The following GRM7 variants were observed in gnomAD, a reference collection of about 807,000 sequenced individuals.
The protein encoded by GRM7 is glutamate metabotropic receptor 7, also known as metabotropic glutamate receptor 7.
GRM7 carries 35 observed loss-of-function variants against 84.5 expected under a neutral mutation model. That is an observed-to-expected ratio of 0.41 (90% confidence interval 0.32 to 0.55). The LOEUF is 0.55. GRM7 is among the 20% of genes least tolerant of loss of function. GRM7 has a pLI of 0.19. For missense variants in GRM7, 1,003 were observed against 1,194.6 expected, an observed-to-expected ratio of 0.84 and a Z score of 2.36; for synonymous variants, 487 against 455.1, an observed-to-expected ratio of 1.07 and a Z score of -0.89.
At chr3:6,974,738 C>T (rs1207287822) in intron 1 of GRM7, among the ~76,000 whole-genome samples, 1 of 152,064 alleles carries the variant, frequency 6.6e-6, no homozygotes, top group Non-Finnish European at 1.5e-5. Context: ...ATTTTGTGAA[C>T]ATAACAAGGG....
intron 1 of GRM7, among the ~76,000 whole-genome samples, chr3:6,934,709 C>T (rs546228112): frequency 6.1e-4 from 92 of 151,928 alleles, no homozygotes; most frequent in Non-Finnish European, 1.0e-3. Context: ...TAAATGAGGA[C>T]GGTGGCAGGG....
At chr3:7,272,162 G>T (rs986814225) in intron 2 of GRM7, among the ~76,000 whole-genome samples, 1 of 151,710 alleles carries the variant, frequency 6.6e-6, no homozygotes. Context: ...CTCTCCCTCC[G>T]TAACCCCACC....
chr3:7,258,985 G>T (rs1698309699), intron 2 of GRM7, among the ~76,000 whole-genome samples: 1 of 152,226 alleles, frequency 6.6e-6, no homozygotes, highest in Admixed American at 6.5e-5. Flanking sequence ...GAAAATCAAG[G>T]TGTGCATTCT....
At chr3:7,582,277 A>C (rs1169299403) in intron 8 of GRM7, among the ~76,000 whole-genome samples, 66 of 152,336 alleles carry the variant, frequency 4.3e-4, no homozygotes, top group Non-Finnish European at 7.4e-5. Context: ...TAGGGAACAT[A>C]CAGGCTACCC....
At chr3:7,717,943 G>A (rs1439581593) in intron 9 of GRM7, among the ~76,000 whole-genome samples, 1 of 152,214 alleles carries the variant, frequency 6.6e-6, no homozygotes, top group Non-Finnish European at 1.5e-5. Context: ...AATCTGCTCA[G>A]TTCCTTCACC....
rs1694846005 is a variant in GRM7 at position 6,863,786 on chromosome 3, A to G, written c.519+1879A>G. 6.6e-6 allele frequency among the ~76,000 whole-genome samples: 1 copy of G among 152,176 alleles called. No individual in the cohort carries two copies. The highest frequency in any genetic ancestry group is 2.1e-4 in the South Asian group (1 of 4,834). ...TGTTAGCCTGTGGGGTTAAAGGCACAAAACGTTTTGTGTTTAGTATTTTAA... is the reference window on the plus strand; with the variant it reads ...TGTTAGCCTGTGGGGTTAAAGGCACGAAACGTTTTGTGTTTAGTATTTTAA... On this transcript the variant is annotated intron_variant, in intron 1 of 9. Transcript: ENST00000357716. This position sits in a 1 kb window ranked among gnomAD's most constrained non-coding sequence, Gnocchi z 4.8.
chr3:7,017,162 A>G (rs1470438180), intron 1 of GRM7, among the ~76,000 whole-genome samples: 1 of 152,278 alleles, frequency 6.6e-6, no homozygotes, highest in South Asian at 2.1e-4. Context: ...TTTAATAACC[A>G]TGTGAAAGCT....
chr3:6,974,443 T>C lies in GRM7; in HGVS notation c.519+112536T>C, dbSNP rs889175593. Among the ~76,000 whole-genome samples, 6 of 152,166 alleles carry C rather than the reference T, an allele frequency of 3.9e-5. 1 individual carries two copies. The highest frequency in any genetic ancestry group is 3.9e-4 in the Admixed American group (6 of 15,280). On this transcript the variant is annotated intron_variant, in intron 1 of 9. Coordinates refer to ENST00000357716, the MANE Select transcript of GRM7 (RefSeq NM_000844.4). Reference sequence around the variant, plus strand: ...GAGAATGCTTTTGTTGAGATGTTGTTGAGATTATCAAGGGAGTGAGTCTGG... The same window carrying C: ...GAGAATGCTTTTGTTGAGATGTTGTCGAGATTATCAAGGGAGTGAGTCTGG...
At chr3:7,475,403 A>G (rs1698881270) in intron 7 of GRM7, among the ~76,000 whole-genome samples, 1 of 152,188 alleles carries the variant, frequency 6.6e-6, no homozygotes, top group African/African-American at 2.4e-5. Context: ...TTCAATAAGA[A>G]GCTATCATTG....
chr3:7,521,297 C>T (rs964864740), intron 7 of GRM7, among the ~76,000 whole-genome samples: 2 of 152,144 alleles, frequency 1.3e-5, no homozygotes, highest in Non-Finnish European at 2.9e-5. Context: ...TTGGTCATTG[C>T]TATGGTCTAA....
intron 1 of GRM7, among the ~76,000 whole-genome samples, chr3:7,115,021 A>G (rs1418621661): frequency 6.6e-6 from 1 of 152,124 alleles, no homozygotes; most frequent in African/African-American, 2.4e-5. Flanking sequence ...CTGTGTGCCA[A>G]TCACTGAATG....
chr3:7,503,036 C>T (rs1343747077), intron 7 of GRM7, among the ~76,000 whole-genome samples: 1 of 152,082 alleles, frequency 6.6e-6, no homozygotes. Flanking sequence ...GTAATTTGCT[C>T]TATGGGATAT....
chr3:7,044,141 T>C (rs1338373538), intron 1 of GRM7, among the ~76,000 whole-genome samples: 1 of 152,200 alleles, frequency 6.6e-6, no homozygotes, highest in African/African-American at 2.4e-5. Flanking sequence ...CTGATAAAAA[T>C]ATTGATCAGA....
At chr3:7,604,188 T>C (rs1696453041) in intron 8 of GRM7, among the ~76,000 whole-genome samples, 6 of 151,628 alleles carry the variant, frequency 4.0e-5, no homozygotes, top group Admixed American at 3.9e-4. Context: ...ATTAGTATTA[T>C]GCTTATTACA....
At chr3:6,925,927 A>G (rs1376714041) in intron 1 of GRM7, among the ~76,000 whole-genome samples, 2 of 152,114 alleles carry the variant, frequency 1.3e-5, no homozygotes, top group Non-Finnish European at 2.9e-5. Flanking sequence ...ATGTGAGAGT[A>G]TGTCTAGGCT....
intron 5 of GRM7, among the ~76,000 whole-genome samples, chr3:7,445,502 G>A (rs1445737266): frequency 6.6e-6 from 1 of 152,110 alleles, no homozygotes; most frequent in Non-Finnish European, 1.5e-5. Context: ...GTGGTGCTGT[G>A]ACCCCCTGTG....
rs147160001 is a variant in GRM7 at position 6,946,341 on chromosome 3, G to C, written c.519+84434G>C. On this transcript the variant is annotated intron_variant, in intron 1 of 9. Transcript: ENST00000357716. ...AATCCTTTCCCCATTTCTTGTTTTT[G>C]TCAGGTTTGTCAAAGATCAGATAGT... Among the ~76,000 whole-genome samples, 405 of 152,150 alleles carry C rather than the reference G, an allele frequency of 2.7e-3. 4 individuals are homozygous for C. Among genetic ancestry groups the C allele is most frequent in the African/African-American group, 9.4e-3 (392 of 41,508 alleles).
At chr3:7,154,189 G>A (rs971742501) in intron 2 of GRM7, among the ~76,000 whole-genome samples, 3 of 152,094 alleles carry the variant, frequency 2.0e-5, no homozygotes, top group Non-Finnish European at 4.4e-5. Context: ...CAAGAACATC[G>A]GGTTCTGGCC....
intron 8 of GRM7, among the ~76,000 whole-genome samples, chr3:7,628,806 T>C (rs569807464): frequency 3.3e-5 from 5 of 152,250 alleles, no homozygotes; most frequent in East Asian, 1.9e-4. Flanking sequence ...AGCAGCCATA[T>C]TGGTATTTGA....
Sources: gnomAD v4.1 joint callset for allele counts (sites outside exome capture counted in the v4.1 genomes callset) on GRCh38, gnomAD v4.1.1 for gene constraint, Gnocchi (gnomAD v3.1) non-coding constraint, MANE v1.5 for transcripts, NCBI Gene and HGNC (gene_info 2026-07-23, HGNC 2026-07-21) for gene names.